The following CCDC81 variants were observed in gnomAD, a reference collection of about 807,000 sequenced individuals.
The protein encoded by CCDC81 is coiled-coil domain containing 81.
CCDC81 carries 79 observed loss-of-function variants against 83.7 expected under a neutral mutation model. The observed-to-expected ratio is 0.94, with a 90% confidence interval of 0.79 to 1.14. The LOEUF is 1.14. Among genes scored for constraint, CCDC81 ranks in the 50% most tolerant of loss-of-function variants. The probability of loss-of-function intolerance (pLI) is 0.00; values close to 1 mark genes in which losing one functional copy is unlikely to be tolerated. For missense variants in CCDC81, 791 were observed against 778.1 expected, an observed-to-expected ratio of 1.02 and a Z score of -0.20; for synonymous variants, 252 against 278.1, an observed-to-expected ratio of 0.91 and a Z score of 0.93.
intron 1 of CCDC81, among the ~76,000 whole-genome samples, chr11:86,378,313 C>A (rs1400670378): frequency 1.3e-5 from 2 of 152,066 alleles, no homozygotes; most frequent in Non-Finnish European, 2.9e-5. Context: ...CTACTTTAAT[C>A]CCATTGTAAT....
chr11:86,408,318 A>G, intron 9 of CCDC81, 48 bp downstream of exon 9: 1 of 1,500,712 alleles, frequency 6.7e-7, no homozygotes, highest in South Asian at 1.3e-5. Flanking sequence ...ATAGAACATG[A>G]TTATATAATG....
At chr11:86,381,312 G>A (rs1948173913) in intron 1 of CCDC81, among the ~76,000 whole-genome samples, 2 of 152,190 alleles carry the variant, frequency 1.3e-5, no homozygotes, top group Non-Finnish European at 2.9e-5. Context: ...GGTCATTAAG[G>A]ACAACAGAGT....
intron 7 of CCDC81, among the ~76,000 whole-genome samples, chr11:86,403,402 T>TATC (rs1223491363): frequency 6.6e-6 from 1 of 152,198 alleles, no homozygotes; most frequent in African/African-American, 2.4e-5. Context: ...GTTTAAAATA[T>TATC]ATCTTTTCTG....
intron 2 of CCDC81, among the ~76,000 whole-genome samples, chr11:86,386,647 A>C (rs550082519): frequency 6.6e-6 from 1 of 152,330 alleles, no homozygotes; most frequent in South Asian, 2.1e-4. Flanking sequence ...TGGAACTTTT[A>C]TACCCCATTC....
At chr11:86,403,033 T>TA (rs1336423169) in intron 7 of CCDC81, among the ~76,000 whole-genome samples, 1 of 142,772 alleles carries the variant, frequency 7.0e-6, no homozygotes, top group Non-Finnish European at 1.5e-5. Flanking sequence ...TTTTTTTTTT[T>TA]TGTAGAGATG....
At chr11:86,414,954 T>G in intron 12 of CCDC81, 87 bp downstream of exon 12, 1 of 1,398,040 alleles carries the variant, frequency 7.2e-7, no homozygotes, top group Non-Finnish European at 9.8e-7. Flanking sequence ...CGAATATTTT[T>G]ATGTGTTATG....
intron 4 of CCDC81, 31 bp from the exon 5 acceptor site, chr11:86,395,303 G>T: frequency 6.3e-7 from 1 of 1,593,414 alleles, no homozygotes; most frequent in Non-Finnish European, 8.6e-7. Context: ...CCTCAGCCTA[G>T]ATGTAACCTT....
At position 86,375,054 on chromosome 11, in the gene CCDC81, A is replaced by G; in HGVS notation, c.-110A>G. On this transcript the variant is annotated 5_prime_UTR_variant, in exon 1 of 15. Transcript: ENST00000445632. ...ACTCTTATTTTTAAGGCACATCCAA[A>G]GCTCCGTGGAGAAGGGGCTGGAGGG... is the stretch of plus-strand genomic sequence containing the variant. 1 of 926,238 alleles carries G rather than the reference A, an allele frequency of 1.1e-6. No individual in the cohort carries two copies. The highest frequency in any genetic ancestry group is 1.8e-6 in the Non-Finnish European group (1 of 558,698). The allele number at this position is 926,238 out of a possible 1,614,324, so 57.4% of individuals were successfully genotyped here.
At position 86,394,355 on chromosome 11, in the gene CCDC81, T is replaced by G. The variant is rs543914343; in HGVS notation, c.556-979T>G. Reference sequence around the variant, plus strand: ...GAGGTCAAAGCTGACTGAAAACTGCTGATCGAATCAGTCACCCTCATGGAC... The same window carrying G: ...GAGGTCAAAGCTGACTGAAAACTGCGGATCGAATCAGTCACCCTCATGGAC... On this transcript the variant is annotated intron_variant, in intron 4 of 14. Transcript: ENST00000445632. Among the ~76,000 whole-genome samples, 3 of 152,230 alleles carry G rather than the reference T, an allele frequency of 2.0e-5. No individual in the cohort carries two copies. The South Asian group carries it at 6.2e-4, about 32-fold the overall frequency.
intron 3 of CCDC81, among the ~76,000 whole-genome samples, chr11:86,388,966 A>G (rs1178784763): frequency 6.6e-6 from 1 of 152,142 alleles, no homozygotes; most frequent in African/African-American, 2.4e-5. Flanking sequence ...GACATATATG[A>G]CTGAATTAGT....
chr11:86,388,746 A>G (rs1338956153), intron 3 of CCDC81, among the ~76,000 whole-genome samples: 1 of 152,138 alleles, frequency 6.6e-6, no homozygotes, highest in Admixed American at 6.5e-5. Context: ...GGGAACAAAA[A>G]GAAATACCTA....
chr11:86,384,542 A>C (rs1368018858), intron 1 of CCDC81, among the ~76,000 whole-genome samples: 1 of 152,180 alleles, frequency 6.6e-6, no homozygotes, highest in Non-Finnish European at 1.5e-5. Context: ...TGGCCTATTA[A>C]TAAAAATATT....
rs141791809 is a variant in CCDC81, at chr11:86,381,597, T to A, written c.80-4454T>A. ...TCTTGATGCTGTTTCTGCATGTGAG[T>A]CCGTTTCAGGAAGCCATTCCTCCTG... is the stretch of plus-strand genomic sequence containing the variant. On this transcript the variant is annotated intron_variant, in intron 1 of 14. Coordinates refer to ENST00000445632, the MANE Select transcript of CCDC81 (RefSeq NM_001156474.2). 2.6e-5 allele frequency among the ~76,000 whole-genome samples: 4 copies of A among 152,290 alleles called. 1 individual carries two copies. In the East Asian group the frequency reaches 7.7e-4, roughly 29 times the overall value.
At chr11:86,416,969 C>T (rs1948728233) in intron 13 of CCDC81, among the ~76,000 whole-genome samples, 1 of 152,128 alleles carries the variant, frequency 6.6e-6, no homozygotes, top group Admixed American at 6.5e-5. Flanking sequence ...GTTAGCCGGG[C>T]ACGGTGGCTC....
At chr11:86,408,309 T>G (rs201121275) in intron 9 of CCDC81, 39 bp downstream of exon 9, 1 of 1,547,028 alleles carries the variant, frequency 6.5e-7, no homozygotes, top group Non-Finnish European at 8.8e-7. Context: ...TATGGGGCAA[T>G]AGAACATGAT....
intron 9 of CCDC81, among the ~76,000 whole-genome samples, chr11:86,408,770 C>T (rs1948597658): frequency 6.6e-6 from 1 of 152,174 alleles, no homozygotes; most frequent in African/African-American, 2.4e-5. Context: ...GGATGAATTC[C>T]ATGCAGTCGA....
At chr11:86,408,319 T>C (rs540245282) in intron 9 of CCDC81, 49 bp downstream of exon 9, 11 of 1,480,430 alleles carry the variant, frequency 7.4e-6, no homozygotes, top group Non-Finnish European at 1.0e-5. Flanking sequence ...TAGAACATGA[T>C]TATATAATGT....
chr11:86,420,417 CAGG>C (rs1397180728), intron 14 of CCDC81, among the ~76,000 whole-genome samples: 1 of 152,018 alleles, frequency 6.6e-6, no homozygotes, highest in Non-Finnish European at 1.5e-5. Flanking sequence ...TATTTAAGAG[CAGG>C]GTCAGGGGTT....
intron 7 of CCDC81, among the ~76,000 whole-genome samples, chr11:86,406,805 A>C (rs1948572454): frequency 6.6e-6 from 1 of 152,190 alleles, no homozygotes. Context: ...ACTCTGTCTC[A>C]AAAAATAAAA....
Sources: allele counts gnomAD v4.1 joint callset (sites outside exome capture counted in the v4.1 genomes callset), GRCh38; gene constraint gnomAD v4.1.1; transcripts MANE v1.5; gene names NCBI Gene and HGNC (gene_info 2026-07-23, HGNC 2026-07-21).